TDRD6: variants seen among roughly 807,000 people sequenced by gnomAD.
The protein encoded by TDRD6 is tudor domain containing 6, also known as tudor domain-containing protein 6.
A neutral mutation model predicts 157.5 loss-of-function variants in TDRD6; 186 were observed. That is an observed-to-expected ratio of 1.18 (90% CI 1.05 to 1.33). TDRD6 has a LOEUF of 1.33. Ranked by LOEUF, TDRD6 falls within the 40% of genes most tolerant of loss-of-function variation. The pLI, the probability that TDRD6 is intolerant of heterozygous loss-of-function variation, is 0.00. For synonymous variants in TDRD6, 1,075 were observed against 945.2 expected, an observed-to-expected ratio of 1.14 and a Z score of -2.52; for missense variants, 3,066 against 2,508.0, an observed-to-expected ratio of 1.22 and a Z score of -4.75.
chr6:46,688,548 C>T lies in TDRD6; in HGVS notation c.420C>T (p.Gly140=). 1 of 1,579,336 alleles carries T rather than the reference C, an allele frequency of 6.3e-7. No homozygotes were observed. Among genetic ancestry groups the T allele is most frequent in the South Asian group, 1.1e-5 (1 of 89,064 alleles). ...VLAGLVPAGC[G]AGSGEPPQHW... ...CGGGCCTGGTGCCGGCAGGCTGCGGCGCGGGCTCAGGCGAGCCGCCGCAGC... is the reference window on the plus strand; with the variant it reads ...CGGGCCTGGTGCCGGCAGGCTGCGGTGCGGGCTCAGGCGAGCCGCCGCAGC... Residue 140 remains glycine, a synonymous_variant, in exon 1 of 4, where the codon GGC becomes GGT. Coordinates refer to ENST00000316081, the MANE Select transcript of TDRD6 (RefSeq NM_001010870.3).
At position 46,689,068 on chromosome 6, in the gene TDRD6, G is replaced by A; in HGVS notation, c.940G>A (p.Gly314Ser). The A allele has an allele frequency of 6.2e-7, 1 of 1,614,102 alleles. No individual in the cohort carries two copies. Among genetic ancestry groups the A allele is most frequent in the South Asian group, 1.1e-5 (1 of 91,086 alleles). Residue 314 changes from glycine (G) to serine (S), a missense_variant, in exon 1 of 4, where the codon GGC becomes AGC. Transcript: ENST00000316081. ...GAGGGAGGAGAGCCCAGATAAGCCGGGCTCTCCGTGTGCATCCTGTGGCCT... is the reference window on the plus strand; with the variant it reads ...GAGGGAGGAGAGCCCAGATAAGCCGAGCTCTCCGTGTGCATCCTGTGGCCT... ...EEREESPDKP[G>S]SPCASCGLDG... is the part of the protein sequence containing the mutation.
At chr6:46,697,566 A>ATT (rs1764528715) in intron 2 of TDRD6, among the ~76,000 whole-genome samples, 1 of 152,216 alleles carries the variant, frequency 6.6e-6, no homozygotes, top group Non-Finnish European at 1.5e-5. Context: ...GAAGCTCAAT[A>ATT]AATTCATTTT....
At position 46,703,361 on chromosome 6, in the gene TDRD6, G is replaced by A. The variant is rs1764670090; in HGVS notation, c.*1474G>A. The A allele has an allele frequency of 1.3e-5, 2 of 152,052 alleles. No individual in the cohort carries two copies. Among genetic ancestry groups the A allele is most frequent in the Non-Finnish European group, 2.9e-5 (2 of 67,962 alleles). 9.4% of individuals were successfully genotyped at this position (152,052 alleles called of 1,614,324 possible). ...GTATATTACTTATTCCTGGAATAATGAATAGACAAGTTTGGCTTACTCATA... is the reference window on the plus strand; with the variant it reads ...GTATATTACTTATTCCTGGAATAATAAATAGACAAGTTTGGCTTACTCATA... On this transcript the variant is annotated 3_prime_UTR_variant, in exon 4 of 4. Coordinates refer to ENST00000316081, the MANE Select transcript of TDRD6 (RefSeq NM_001010870.3).
chr6:46,689,467 C>G lies in TDRD6; in HGVS notation c.1339C>G (p.Leu447Val), dbSNP rs765415771. Residue 447 changes from leucine (L) to valine (V), a missense_variant, in exon 1 of 4, where the codon CTT becomes GTT. By Grantham distance (32) the Leu-to-Val change is conservative. Transcript: ENST00000316081. The stretch of plus-strand genomic sequence containing the variant: ...GTCGTGTTGCTTGGCTGACCGAGTC[C>G]TTCAGAGCCAGGCAACAGAGGAGGA... ...VQSCCLADRV[L>V]QSQATEEEEP... 3.1e-6 allele frequency: 5 copies of G among 1,613,412 alleles called. No individual in the cohort carries two copies. Among genetic ancestry groups the G allele is most frequent in the Middle Eastern group, 1.6e-4 (1 of 6,084 alleles).
Position 46,689,448 on chromosome 6 carries a change from T to A in TDRD6, c.1320T>A (p.Cys440Ter). Residue 440 changes from cysteine to a stop codon, truncating the protein, a stop_gained, in exon 1 of 4, where the codon TGT becomes TGA. Transcript: ENST00000316081. LOFTEE classifies it high-confidence loss of function. The part of the protein sequence containing the change: ...NLNRVFGVQS[C>*]CLADRVLQSQ... Reference sequence around the variant, plus strand: ...ACCGTGTGTTTGGAGTACAGTCGTGTTGCTTGGCTGACCGAGTCCTTCAGA... The same window carrying A: ...ACCGTGTGTTTGGAGTACAGTCGTGATGCTTGGCTGACCGAGTCCTTCAGA... 3 of 1,613,430 alleles carry A rather than the reference T, an allele frequency of 1.9e-6. No homozygotes were observed. In the East Asian group the frequency reaches 6.7e-5, roughly 36 times the overall value.
chr6:46,691,623 AAG>A lies in TDRD6; in HGVS notation c.3497_3498del (p.Arg1166LysfsTer5). 1 of 1,613,356 alleles carries A rather than the reference AAG, an allele frequency of 6.2e-7. No homozygotes were observed. The highest frequency in any genetic ancestry group is 8.5e-7 in the Non-Finnish European group (1 of 1,179,656). ...LGLLSYKDRI[R>X]KKESEVLCST... ...GGCTACTTAGTTACAAAGATAGAATAAGAAAAAAAGAAAGTGAAGTCCTCTGT... is the reference window on the plus strand; with the variant it reads ...GGCTACTTAGTTACAAAGATAGAATAAAAAAAAGAAAGTGAAGTCCTCTGT... On this transcript the variant is annotated frameshift_variant, in exon 1 of 4. Coordinates refer to ENST00000316081, the MANE Select transcript of TDRD6 (RefSeq NM_001010870.3). LOFTEE classifies it high-confidence loss of function.
chr6:46,699,469 A>T (rs1031028728), intron 3 of TDRD6, among the ~76,000 whole-genome samples: 1 of 152,160 alleles, frequency 6.6e-6, no homozygotes, highest in African/African-American at 2.4e-5. Context: ...GGCCAGAAAA[A>T]AAAATAGAAA....
rs914380247 is a variant in TDRD6, at chr6:46,691,884, A to G, written c.3756A>G (p.Pro1252=). Residue 1252 remains proline (P), a synonymous_variant, in exon 1 of 4, where the codon CCA becomes CCG. Coordinates refer to ENST00000316081, the MANE Select transcript of TDRD6 (RefSeq NM_001010870.3). ...GAAATAAAAATAGTCAAGTGTTTCC[A>G]TTAACAACAGAAAAGAAAGAAGAAA... The part of the protein sequence containing the change: ...SVGNKNSQVF[P]LTTEKKEEIS... The G allele has an allele frequency of 3.1e-6, 5 of 1,594,006 alleles. No individual in the cohort carries two copies. The African/African-American group carries it at 5.5e-5, about 17-fold the overall frequency.
In TDRD6 at chr6:46,692,535, A is replaced by G. The variant is rs1562057179; in HGVS notation, c.4407A>G (p.Ile1469Met). 3 of 1,613,784 alleles carry G rather than the reference A, an allele frequency of 1.9e-6. No homozygotes were observed. Among genetic ancestry groups the G allele is most frequent in the Non-Finnish European group, 2.5e-6 (3 of 1,180,038 alleles). ...TTCTTGCTGATGAACATGGGATCAT[A>G]GCAGATGATATGATTAGCAGGTATG... ...EVILADEHGI[I>M]ADDMISRYAL... Residue 1469 changes from isoleucine (I) to methionine (M), a missense_variant, in exon 1 of 4, where the codon ATA becomes ATG. Transcript: ENST00000316081.
Position 46,691,675 on chromosome 6 carries a change from A to G in TDRD6, c.3547A>G (p.Lys1183Glu). Residue 1183 changes from lysine (K) to glutamate (E), a missense_variant, in exon 1 of 4, where the codon AAA becomes GAA. Physicochemically the swap from Lys to Glu is moderately conservative, Grantham distance 56. Coordinates refer to ENST00000316081, the MANE Select transcript of TDRD6 (RefSeq NM_001010870.3). ...LCSTTETLEE[K>E]NENMKLPCTE... ...TTCTACAACTGAAACTCTTGAAGAA[A>G]AAAATGAGAATATGAAGTTGCCATG... 6.2e-7 allele frequency: 1 copy of G among 1,612,340 alleles called. No individual in the cohort carries two copies.
chr6:46,701,673 C>T lies in TDRD6; in HGVS notation c.6262-185C>T, dbSNP rs184235687. ...TGATTTGATGGTACAGTGTGAGAACCAAAATATTAATAAGAAAATAAAACA... is the reference window on the plus strand; with the variant it reads ...TGATTTGATGGTACAGTGTGAGAACTAAAATATTAATAAGAAAATAAAACA... On this transcript the variant is annotated intron_variant, in intron 3 of 3. Transcript: ENST00000316081. Among the ~76,000 whole-genome samples the T allele has an allele frequency of 2.2e-3, 327 of 151,924 alleles. 1 individual carries two copies. Among genetic ancestry groups the T allele is most frequent in the African/African-American group, 7.5e-3 (310 of 41,454 alleles).
chr6:46,689,201 G>A lies in TDRD6; in HGVS notation c.1073G>A (p.Ser358Asn), dbSNP rs1248592225. 6.2e-7 allele frequency: 1 copy of A among 1,614,208 alleles called. No homozygotes were observed. The highest frequency in any genetic ancestry group is 1.1e-5 in the South Asian group (1 of 91,082). The change falls in exon 1 of 4, where the codon AGC (serine) becomes AAC (asparagine). Residue 358 changes from serine (S) to asparagine (N), a missense_variant. Coordinates refer to ENST00000316081, the MANE Select transcript of TDRD6 (RefSeq NM_001010870.3). Reference protein sequence around the residue: ...YGRKELVSCSSLRYLLPEYFR... With the variant: ...YGRKELVSCSNLRYLLPEYFR... Reference sequence around the variant, plus strand: ...AGGAAGGAGTTAGTGAGTTGCAGCAGCCTTCGGTACTTGCTGCCTGAATAT... The same window carrying A: ...AGGAAGGAGTTAGTGAGTTGCAGCAACCTTCGGTACTTGCTGCCTGAATAT...
intron 2 of TDRD6, 93 bp from the exon 3 acceptor site, chr6:46,697,901 TAATA>T: frequency 1.7e-6 from 1 of 595,264 alleles, no homozygotes; most frequent in Non-Finnish European, 2.8e-6. Context: ...ATAATAATAA[TAATA>T]ATAGTATTTC....
At position 46,688,320 on chromosome 6, in the gene TDRD6, C is replaced by A; in HGVS notation, c.192C>A (p.Ser64Arg). 1 of 1,519,794 alleles carries A rather than the reference C, an allele frequency of 6.6e-7. No homozygotes were observed. The highest frequency in any genetic ancestry group is 1.2e-5 in the South Asian group (1 of 82,122). The allele number at this position is 1,519,794 out of a possible 1,614,324, so 94.1% of individuals were successfully genotyped here. A position where few individuals can be genotyped will look rare whatever the true frequency, so the allele number is the denominator to read the frequency against. Residue 64 changes from serine to arginine, a missense_variant, in exon 1 of 4, where the codon AGC becomes AGA. Transcript: ENST00000316081. ...CGCGCGGCCAGTGGGCGCTGGGCAGCGCCTCGGCCTCGCCCGGCGAGCTGT... is the reference window on the plus strand; with the variant it reads ...CGCGCGGCCAGTGGGCGCTGGGCAGAGCCTCGGCCTCGCCCGGCGAGCTGT... ...AATRGQWALGSASASPGELCL... is the reference protein window; with the variant it reads ...AATRGQWALGRASASPGELCL...
At chr6:46,696,444 C>G in intron 2 of TDRD6, among the ~76,000 whole-genome samples, 1 of 122,942 alleles carries the variant, frequency 8.1e-6, no homozygotes. Context: ...TCGAGAGTTA[C>G]TTGGTATATA....
At chr6:46,685,081 G>A (rs192974369), upstream of TDRD6, among the ~76,000 whole-genome samples, 25 of 141,858 alleles carry the variant, frequency 1.8e-4, no homozygotes, top group East Asian at 5.2e-3. Flanking sequence ...TTTGTCATCT[G>A]TACATCCTCC....
chr6:46,684,428 T>A (rs1438256252), upstream of TDRD6, among the ~76,000 whole-genome samples: 1 of 151,756 alleles, frequency 6.6e-6, no homozygotes, highest in Non-Finnish European at 1.5e-5. Flanking sequence ...TTGTGTAGCT[T>A]TGATAACTAT....
chr6:46,701,137 TCCC>T (rs1227789372), intron 3 of TDRD6: 1 of 312,706 alleles, frequency 3.2e-6, no homozygotes, highest in East Asian at 1.1e-4. Context: ...TTATGCTGAA[TCCC>T]TCAAACAAAA....
At position 46,690,479 on chromosome 6, in the gene TDRD6, C is replaced by G. The variant is rs1764274549; in HGVS notation, c.2351C>G (p.Pro784Arg). ...VEVRVSYVEN[P>R]GYFWCQLTRN... The stretch of plus-strand genomic sequence containing the variant: ...GTCAGAGTGTCTTATGTTGAAAACC[C>G]TGGCTATTTCTGGTGTCAGCTGACC... Residue 784 changes from proline to arginine, a missense_variant, in exon 1 of 4, where the codon CCT becomes CGT. Pro to Arg is a moderately radical substitution (Grantham distance 103). Transcript: ENST00000316081. The G allele has an allele frequency of 4.3e-6, 7 of 1,613,970 alleles. No homozygotes were observed. Among genetic ancestry groups the G allele is most frequent in the Admixed American group, 1.7e-5 (1 of 60,010 alleles).
Sources: gnomAD v4.1 joint callset for allele counts (sites outside exome capture counted in the v4.1 genomes callset) on GRCh38, gnomAD v4.1.1 for gene constraint, MANE v1.5 for transcripts, NCBI Gene and HGNC (gene_info 2026-07-23, HGNC 2026-07-21) for gene names.